NR3C1: variants seen among roughly 807,000 people sequenced by gnomAD.
NR3C1 encodes the protein nuclear receptor subfamily 3 group C member 1.
A neutral mutation model predicts 74.0 loss-of-function variants in NR3C1; 14 were observed. The ratio of observed to expected loss-of-function variants is 0.19; its 90% CI spans 0.12 to 0.30. NR3C1 has a LOEUF of 0.30. Ranked by LOEUF, NR3C1 falls within the 10% of genes least tolerant of loss-of-function variation. The probability of loss-of-function intolerance (pLI) is 1.00; values close to 1 mark genes in which losing one functional copy is unlikely to be tolerated. For missense variants in NR3C1, 695 were observed against 909.8 expected, an observed-to-expected ratio of 0.76 and a Z score of 3.04; for synonymous variants, 308 against 332.5, an observed-to-expected ratio of 0.93 and a Z score of 0.80.
In NR3C1 at chr5:143,278,321, A is replaced by T. The variant is rs974464737; in HGVS notation, c.*3568T>A. ...CCCATTATATAGCATTTAATATACA[A>T]AATAGAATATTGACACACTTGAATC... On this transcript the variant is annotated 3_prime_UTR_variant, in exon 9 of 9. Coordinates refer to ENST00000394464, the MANE Select transcript of NR3C1 (RefSeq NM_000176.3). 2 of 152,226 alleles carry T rather than the reference A, an allele frequency of 1.3e-5. No homozygotes were observed. Among genetic ancestry groups the T allele is most frequent in the South Asian group, 2.1e-4 (1 of 4,834 alleles). The allele number at this position is 152,226 out of a possible 1,614,324, so 9.4% of individuals were successfully genotyped here.
chr5:143,368,968 C>A (rs909622139), intron 2 of NR3C1, among the ~76,000 whole-genome samples: 2 of 152,110 alleles, frequency 1.3e-5, no homozygotes, highest in African/African-American at 4.8e-5. Context: ...TAGATTAGTT[C>A]TCTTCCTCTT....
chr5:143,309,073 CT>C (rs397830399), intron 4 of NR3C1, among the ~76,000 whole-genome samples: 215 of 134,408 alleles, frequency 1.6e-3, no homozygotes, highest in Non-Finnish European at 1.9e-3. Flanking sequence ...TTTCAGGTTT[CT>C]TTTTTTTTTT....
intron 1 of NR3C1, among the ~76,000 whole-genome samples, chr5:143,424,508 A>G (rs762194611): frequency 6.6e-6 from 1 of 152,158 alleles, no homozygotes; most frequent in African/African-American, 2.4e-5. Flanking sequence ...TTATGTATCC[A>G]TAATAATTAA....
At chr5:143,402,774 C>A in intron 1 of NR3C1, 6 of 985,376 alleles carry the variant, frequency 6.1e-6, no homozygotes, top group Non-Finnish European at 7.2e-6. Context: ...CGCGCTCGGG[C>A]GCGCCGGGGT....
intron 2 of NR3C1, among the ~76,000 whole-genome samples, chr5:143,363,315 G>T (rs552024844): frequency 6.6e-6 from 1 of 152,280 alleles, no homozygotes; most frequent in African/African-American, 2.4e-5. Context: ...GGGGAGGGGA[G>T]ACAGTCTGAC....
rs774528813 is a variant in NR3C1 at position 143,282,772 on chromosome 5, CTTTTCTT to C, written c.2024-54_2024-48del. Reference sequence around the variant, plus strand: ...AGTTAAAGGATTTTCTTTTTCTTTTCTTTTCTTTTTTTTTTTTTTTTGAGATAGATAG... The same window carrying C: ...AGTTAAAGGATTTTCTTTTTCTTTTCTTTTTTTTTTTTTTGAGATAGATAG... On this transcript the variant is annotated intron_variant, in intron 7 of 8. Coordinates refer to ENST00000394464, the MANE Select transcript of NR3C1 (RefSeq NM_000176.3). 34 of 1,452,916 alleles carry C rather than the reference CTTTTCTT, an allele frequency of 2.3e-5. No individual in the cohort carries two copies. The East Asian group carries it at 5.6e-4, about 24-fold the overall frequency. The allele number at this position is 1,452,916 out of a possible 1,614,324, so 90.0% of individuals were successfully genotyped here.
At chr5:143,425,230 AAACTT>A (rs2151961501) in intron 1 of NR3C1, among the ~76,000 whole-genome samples, 1 of 152,220 alleles carries the variant, frequency 6.6e-6, no homozygotes, top group Non-Finnish European at 1.5e-5. Context: ...AATGGATTAA[AAACTT>A]AAATGTAAAA....
At chr5:143,405,165 TTA>T (rs1314672948), upstream of NR3C1, 1 of 985,408 alleles carries the variant, frequency 1.0e-6, no homozygotes, top group African/African-American at 1.7e-5. Flanking sequence ...GCGGCACAGA[TTA>T]TGATTTTTGT....
At chr5:143,417,253 A>G (rs937643964) in intron 1 of NR3C1, among the ~76,000 whole-genome samples, 15 of 152,190 alleles carry the variant, frequency 9.9e-5, no homozygotes, top group African/African-American at 3.6e-4. Flanking sequence ...AAGTTCCATT[A>G]AGATGAAAAA....
intron 2 of NR3C1, among the ~76,000 whole-genome samples, chr5:143,318,245 T>G (rs1357527210): frequency 1.3e-5 from 2 of 152,158 alleles, no homozygotes; most frequent in African/African-American, 4.8e-5. Flanking sequence ...TCCAGAAACT[T>G]AAGTTCAGGT....
At chr5:143,403,062 G>T in intron 1 of NR3C1, 149 bp downstream of exon 1, 1 of 850,694 alleles carries the variant, frequency 1.2e-6, no homozygotes, top group Non-Finnish European at 1.4e-6. Context: ...TTTCGTCACC[G>T]TCGCCCGGCC....
At chr5:143,294,347 T>C in intron 7 of NR3C1, 1 of 913,270 alleles carries the variant, frequency 1.1e-6, no homozygotes, top group Non-Finnish European at 1.3e-6. Context: ...ATATGTAATT[T>C]TTACTTGAAA....
chr5:143,292,501 T>G (rs533621641), intron 7 of NR3C1, among the ~76,000 whole-genome samples: 1 of 152,294 alleles, frequency 6.6e-6, no homozygotes, highest in Admixed American at 6.5e-5. Context: ...GCAGGCCTTT[T>G]GTTGTGAACA....
chr5:143,281,854 G>A lies in NR3C1; in HGVS notation c.*35C>T, dbSNP rs1209774300. On this transcript the variant is annotated 3_prime_UTR_variant, in exon 9 of 9. Transcript: ENST00000394464. ...TTTATACAATAAAAGCTATTAATTC[G>A]ACTTTCTTTAAGGCAACCATTCTTA... 6.9e-6 allele frequency: 11 copies of A among 1,597,808 alleles called. No homozygotes were observed. Among genetic ancestry groups the A allele is most frequent in the South Asian group, 5.5e-5 (5 of 90,576 alleles).
intron 2 of NR3C1, among the ~76,000 whole-genome samples, chr5:143,364,288 C>T (rs1365097727): frequency 1.3e-5 from 2 of 152,156 alleles, no homozygotes; most frequent in African/African-American, 4.8e-5. Flanking sequence ...CTGTATCCTG[C>T]CAACACTATC....
intron 2 of NR3C1, among the ~76,000 whole-genome samples, chr5:143,354,980 C>T (rs961621427): frequency 1.4e-5 from 2 of 144,364 alleles, no homozygotes; most frequent in African/African-American, 2.6e-5. Context: ...GTAACAGATA[C>T]AAAAATGATG....
At chr5:143,356,183 A>G (rs1831093578) in intron 2 of NR3C1, among the ~76,000 whole-genome samples, 1 of 152,204 alleles carries the variant, frequency 6.6e-6, no homozygotes, top group African/African-American at 2.4e-5. Context: ...TTATCAGTGG[A>G]ATGGGTAGTA....
intron 4 of NR3C1, among the ~76,000 whole-genome samples, chr5:143,308,087 C>T (rs577558735): frequency 6.6e-6 from 1 of 152,124 alleles, no homozygotes; most frequent in African/African-American, 2.4e-5. Flanking sequence ...TAGTCATACC[C>T]ATAAATCTAT....
chr5:143,324,874 A>C (rs913818503), intron 2 of NR3C1, among the ~76,000 whole-genome samples: 2 of 152,228 alleles, frequency 1.3e-5, no homozygotes, highest in African/African-American at 4.8e-5. Context: ...AAATGCTGCC[A>C]GTCTTTTTGC....
Sources: allele counts gnomAD v4.1 joint callset (sites outside exome capture counted in the v4.1 genomes callset), GRCh38; gene constraint gnomAD v4.1.1; transcripts MANE v1.5; gene names NCBI Gene and HGNC (gene_info 2026-07-23, HGNC 2026-07-21).